Variants in RGS22 observed in about 807,000 individuals in gnomAD.
RGS22 encodes regulator of G protein signaling 22, also known as regulator of G-protein signaling 22.
Under a neutral mutation model 172.9 loss-of-function variants are expected in RGS22, and 148 were observed. The observed-to-expected ratio is 0.86, with a 90% CI of 0.75 to 0.98. RGS22 has a LOEUF of 0.98. RGS22 is among the 50% of genes least tolerant of loss of function. RGS22 has a pLI of 0.00. For missense variants in RGS22, 1,347 were observed against 1,440.8 expected (o/e 0.93, Z 1.05); for synonymous variants, 458 against 480.2 (o/e 0.95, Z 0.60).
At chr8:100,032,661 G>T (rs1366903569) in intron 14 of RGS22, among the ~76,000 whole-genome samples, 1 of 152,178 alleles carries the variant, frequency 6.6e-6, no homozygotes, top group Non-Finnish European at 1.5e-5. Flanking sequence ...TCTGCACTAA[G>T]TGGACCTAAT....
intron 3 of RGS22, among the ~76,000 whole-genome samples, chr8:100,091,294 CAAA>C (rs370090165): frequency 3.0e-5 from 2 of 67,318 alleles, no homozygotes; most frequent in Non-Finnish European, 3.0e-5. Context: ...AGAGGAACTC[CAAA>C]AAAAAAAAAA....
In RGS22 at chr8:99,972,983, C is replaced by CAA. The variant is rs34427659; in HGVS notation, c.3519+4932_3519+4933dup. ...CGGGAGGCAGAGCTTGACTCCATCT[C>CAA]AAAAAAAAAAAAAAAAAAAGTCAGG... On this transcript the variant is annotated intron_variant, in intron 23 of 27. Transcript: ENST00000360863. Among the ~76,000 whole-genome samples the CAA allele has an allele frequency of 5.5e-3, 386 of 69,704 alleles. 10 individuals are homozygous for CAA. The highest frequency in any genetic ancestry group is 0.016 in the African/African-American group (347 of 21,674). The allele number at this position is 69,704 out of a possible 152,430, so 45.7% of individuals were successfully genotyped here.
At chr8:99,990,946 C>G (rs1185290101) in intron 20 of RGS22, among the ~76,000 whole-genome samples, 1 of 152,190 alleles carries the variant, frequency 6.6e-6, no homozygotes, top group Admixed American at 6.6e-5. Context: ...GTTCTGCAGC[C>G]TCCGCTGGTG....
intron 3 of RGS22, among the ~76,000 whole-genome samples, chr8:100,085,672 T>C (rs1812106641): frequency 6.6e-6 from 1 of 152,200 alleles, no homozygotes; most frequent in Non-Finnish European, 1.5e-5. Flanking sequence ...TGTTTAACAC[T>C]AGAATCACCC....
In RGS22 at chr8:100,022,735, A is replaced by G. The variant is rs551428059; in HGVS notation, c.2167-14166T>C. 1.7e-3 allele frequency among the ~76,000 whole-genome samples: 252 copies of G among 152,008 alleles called. 2 individuals are homozygous for G. The highest frequency in any genetic ancestry group is 0.01 in the Middle Eastern group (3 of 294). ...TCAGTGAACAAAAAAATTCAATTAA[A>G]TTAATTAATTAATTTATTTATTTAT... On this transcript the variant is annotated intron_variant, in intron 14 of 27. Transcript: ENST00000360863.
At chr8:100,090,800 A>C in intron 3 of RGS22, among the ~76,000 whole-genome samples, 1 of 152,140 alleles carries the variant, frequency 6.6e-6, no homozygotes. Context: ...GTCAGGTTGG[A>C]AAGTAAGTAG....
At chr8:100,057,154 G>A (rs1415844362) in intron 9 of RGS22, among the ~76,000 whole-genome samples, 1 of 152,178 alleles carries the variant, frequency 6.6e-6, no homozygotes, top group Non-Finnish European at 1.5e-5. Context: ...GGACTTGCAT[G>A]GGGCCTGTAG....
chr8:99,984,457 C>T (rs189339350), intron 21 of RGS22, among the ~76,000 whole-genome samples: 48 of 151,330 alleles, frequency 3.2e-4, no homozygotes, highest in Non-Finnish European at 2.8e-4. Context: ...TCTAATTGTT[C>T]TGCCCTGTTG....
intron 15 of RGS22, among the ~76,000 whole-genome samples, chr8:100,006,606 C>T (rs1331385109): frequency 6.6e-6 from 1 of 152,196 alleles, no homozygotes; most frequent in Non-Finnish European, 1.5e-5. Context: ...TGTACTACTT[C>T]ATATAGTCAG....
intron 2 of RGS22, among the ~76,000 whole-genome samples, chr8:100,104,363 T>TGTGTA (rs1231144915): frequency 8.0e-6 from 1 of 124,504 alleles, no homozygotes; most frequent in Non-Finnish European, 1.5e-5. Flanking sequence ...TGTGTGTGTA[T>TGTGTA]TTTTTTTTTT....
At chr8:100,073,817 T>C (rs539397635) in intron 4 of RGS22, among the ~76,000 whole-genome samples, 1 of 152,300 alleles carries the variant, frequency 6.6e-6, no homozygotes, top group East Asian at 1.9e-4. Flanking sequence ...TCATCCTCTT[T>C]TGAGTGTTTT....
rs758736038 is a variant in RGS22, at chr8:100,066,272, A to G, written c.619T>C (p.Trp207Arg). 1 of 1,613,440 alleles carries G rather than the reference A, an allele frequency of 6.2e-7. No homozygotes were observed. The highest frequency in any genetic ancestry group is 8.5e-7 in the Non-Finnish European group (1 of 1,179,510). ...GEASYTQTKDWFALAKQSQQT... is the reference protein window; with the variant it reads ...GEASYTQTKDRFALAKQSQQT... ...TGACTTTGTTTTGCTAATGCAAACC[A>G]ATCTTTTGTTTGAGTATAGGAAGCC... The change falls in exon 7 of 28, where the codon TGG (tryptophan) becomes CGG (arginine). Residue 207 changes from tryptophan to arginine, a missense_variant. By Grantham distance (101) the Trp-to-Arg change is moderately radical (BLOSUM62 -3). Coordinates refer to ENST00000360863, the MANE Select transcript of RGS22 (RefSeq NM_015668.5).
chr8:100,005,188 A>G (rs1815556125), intron 16 of RGS22, among the ~76,000 whole-genome samples: 1 of 152,078 alleles, frequency 6.6e-6, no homozygotes, highest in African/African-American at 2.4e-5. Flanking sequence ...CTTCTGGATA[A>G]GAATAAAAAT....
Position 99,977,981 on chromosome 8 carries a change from C to T in RGS22, c.3455G>A (p.Arg1152Lys), listed in dbSNP as rs1563567154. 11 of 1,553,166 alleles carry T rather than the reference C, an allele frequency of 7.1e-6. No homozygotes were observed. The highest frequency in any genetic ancestry group is 8.6e-6 in the Non-Finnish European group (10 of 1,158,212). Residue 1152 changes from arginine to lysine, a missense_variant, in exon 23 of 28, where the codon AGA (arginine) becomes AAA (lysine). Arg to Lys is a conservative substitution (Grantham distance 26, BLOSUM62 2). Transcript: ENST00000360863. ...TTTCTGCTTATTATATTCTTGTCTTCTCTCTAAAACACTCATAATATTTTC... is the reference window on the plus strand; with the variant it reads ...TTTCTGCTTATTATATTCTTGTCTTTTCTCTAAAACACTCATAATATTTTC... ...TDENIMSVLE[R>K]RQEYNKQKKK...
chr8:99,965,353 G>C lies in RGS22; in HGVS notation c.3597C>G (p.Leu1199=). 1.2e-6 allele frequency: 2 copies of C among 1,613,348 alleles called. No individual in the cohort carries two copies. The highest frequency in any genetic ancestry group is 1.7e-6 in the Non-Finnish European group (2 of 1,179,472). The change falls in exon 24 of 28, where the codon CTC becomes CTG. Residue 1199 remains leucine (L), a synonymous_variant. Coordinates refer to ENST00000360863, the MANE Select transcript of RGS22 (RefSeq NM_015668.5). ...TGCTTACCTGTCGGCCATATGGTTGGAGGCCTAGGAAGGAATCACTGAGTA... is the reference window on the plus strand; with the variant it reads ...TGCTTACCTGTCGGCCATATGGTTGCAGGCCTAGGAAGGAATCACTGAGTA... ...TALLSDSFLG[L]QPYGRQPTWC...
chr8:99,988,696 C>T (rs953665508), intron 20 of RGS22, among the ~76,000 whole-genome samples: 2 of 152,084 alleles, frequency 1.3e-5, no homozygotes, highest in Admixed American at 1.3e-4. Flanking sequence ...GGAGTAAAAC[C>T]TTTACAGAGA....
Position 99,981,923 on chromosome 8 carries a change from C to T in RGS22, c.3360+14G>A, listed in dbSNP as rs201355005. On this transcript the variant is annotated intron_variant, in intron 22 of 27. Coordinates refer to ENST00000360863, the MANE Select transcript of RGS22 (RefSeq NM_015668.5). Reference sequence around the variant, plus strand: ...ATTTTAAAATATGCTTAGCCACATGCCCTGATCTCTTACCTGTGCCTCTCT... The same window carrying T: ...ATTTTAAAATATGCTTAGCCACATGTCCTGATCTCTTACCTGTGCCTCTCT... 3.1e-6 allele frequency: 5 copies of T among 1,598,956 alleles called. No homozygotes were observed. Among genetic ancestry groups the T allele is most frequent in the Admixed American group, 1.7e-5 (1 of 57,806 alleles).
chr8:100,076,682 G>C (rs1811371998), intron 4 of RGS22, among the ~76,000 whole-genome samples: 2 of 152,090 alleles, frequency 1.3e-5, no homozygotes, highest in African/African-American at 2.4e-5. Flanking sequence ...AGTGACCATT[G>C]ATAATTTGTG....
At position 100,063,595 on chromosome 8, in the gene RGS22, G is replaced by A. The variant is rs962989719; in HGVS notation, c.1173C>T (p.Ser391=). ...AGTCCGCCCTGCTCTCTGGTCCAGC[G>A]CTCTCATTCTTTGAACTTAAACTTG... ...EQTSLSSKNE[S]AGPESRADWC... The change falls in exon 8 of 28, where the codon AGC becomes AGT. Residue 391 remains serine, a synonymous_variant. Coordinates refer to ENST00000360863, the MANE Select transcript of RGS22 (RefSeq NM_015668.5). 7 of 1,613,748 alleles carry A rather than the reference G, an allele frequency of 4.3e-6. No homozygotes were observed. The highest frequency in any genetic ancestry group is 1.3e-5 in the African/African-American group (1 of 74,864).
Sources: gnomAD v4.1 joint callset for allele counts (sites outside exome capture counted in the v4.1 genomes callset) on GRCh38, gnomAD v4.1.1 for gene constraint, MANE v1.5 for transcripts, NCBI Gene and HGNC (gene_info 2026-07-23, HGNC 2026-07-21) for gene names.